Variants in CD109 observed in about 807,000 individuals in gnomAD.
CD109 encodes CD109 antigen.
Under a neutral mutation model 165.8 loss-of-function variants are expected in CD109, and 149 were observed. The ratio of observed to expected loss-of-function variants is 0.90; its 90% confidence interval spans 0.79 to 1.03. The LOEUF is 1.03. Among genes scored for constraint, CD109 ranks in the 50% least tolerant of loss-of-function variants. CD109 has a pLI of 0.00. For synonymous variants in CD109, 585 were observed against 592.1 expected (o/e 0.99, Z 0.18); for missense variants, 1,712 against 1,677.8 (o/e 1.02, Z -0.36).
At chr6:73,709,982 A>G (rs1350142899) in intron 2 of CD109, among the ~76,000 whole-genome samples, 1 of 152,234 alleles carries the variant, frequency 6.6e-6, no homozygotes, top group African/African-American at 2.4e-5. Flanking sequence ...CACAGCCAAT[A>G]TCATACTGAA....
intron 5 of CD109, among the ~76,000 whole-genome samples, chr6:73,751,759 T>C (rs1030957001): frequency 6.6e-5 from 10 of 152,332 alleles, no homozygotes; most frequent in African/African-American, 2.4e-4. Flanking sequence ...GCCAAGCAAC[T>C]CTACCTGATG....
chr6:73,755,051 G>A (rs944134803), intron 5 of CD109, among the ~76,000 whole-genome samples: 2 of 152,192 alleles, frequency 1.3e-5, no homozygotes, highest in African/African-American at 2.4e-5. Context: ...AGTCTTGTCT[G>A]TGCTGGCCTC....
chr6:73,764,816 CAA>C (rs1363569119), intron 10 of CD109, among the ~76,000 whole-genome samples: 9 of 61,110 alleles, frequency 1.5e-4, no homozygotes, highest in Admixed American at 3.6e-4. Context: ...AACTCCATTT[CAA>C]AAAAAAAAAA....
intron 5 of CD109, among the ~76,000 whole-genome samples, chr6:73,745,516 T>C (rs1024918469): frequency 6.6e-6 from 1 of 152,198 alleles, no homozygotes; most frequent in African/African-American, 2.4e-5. Flanking sequence ...GACTTGTGGA[T>C]GCCACGGGAT....
intron 15 of CD109, 76 bp from the exon 16 acceptor site, chr6:73,780,348 T>C: frequency 1.1e-6 from 1 of 874,994 alleles, no homozygotes; most frequent in East Asian, 2.4e-5. Flanking sequence ...AGGCTAAGTC[T>C]TATCTAAGTT....
chr6:73,724,459 T>C (rs1396006236), intron 3 of CD109, among the ~76,000 whole-genome samples: 1 of 152,198 alleles, frequency 6.6e-6, no homozygotes, highest in African/African-American at 2.4e-5. Flanking sequence ...ACATGCTTAA[T>C]GTACAGTATA....
At chr6:73,742,412 T>A (rs1475798273) in intron 5 of CD109, among the ~76,000 whole-genome samples, 1 of 152,276 alleles carries the variant, frequency 6.6e-6, no homozygotes, top group Non-Finnish European at 1.5e-5. Context: ...TGTTTTTGCA[T>A]CTATGATTTA....
intron 2 of CD109, among the ~76,000 whole-genome samples, chr6:73,704,818 G>A (rs1771204523): frequency 6.6e-6 from 1 of 152,134 alleles, no homozygotes; most frequent in Admixed American, 6.5e-5. Flanking sequence ...GGTCCCAGAA[G>A]GATAATATAA....
At chr6:73,802,965 G>A (rs534930378) in intron 23 of CD109, among the ~76,000 whole-genome samples, 121 of 152,036 alleles carry the variant, frequency 8.0e-4, no homozygotes, top group Non-Finnish European at 5.1e-4. Context: ...CTCCCAAAGC[G>A]CTGGGATTAT....
At chr6:73,803,661 G>A (rs1027559977) in intron 24 of CD109, among the ~76,000 whole-genome samples, 1 of 148,192 alleles carries the variant, frequency 6.7e-6, no homozygotes, top group Non-Finnish European at 1.5e-5. Flanking sequence ...TACAAGTGTT[G>A]TGTTACTGCG....
chr6:73,696,330 C>CCTGGGCCGCTCTGCGGCT, intron 1 of CD109, 41 bp downstream of exon 1: 3 of 1,389,000 alleles, frequency 2.2e-6, no homozygotes, highest in East Asian at 3.0e-5. Flanking sequence ...GGCGCGCGGG[C>CCTGGGCCGCTCTGCGGCT]CTGGGCCGCT....
chr6:73,820,030 G>A (rs1582212791), intron 31 of CD109, among the ~76,000 whole-genome samples: 1 of 152,162 alleles, frequency 6.6e-6, no homozygotes, highest in East Asian at 1.9e-4. Flanking sequence ...CCCCATCTCA[G>A]TCATTGGCTG....
In CD109 at chr6:73,749,923, T is replaced by A. The variant is rs571317084; in HGVS notation, c.634-6720T>A. Among the ~76,000 whole-genome samples the A allele has an allele frequency of 3.3e-5, 5 of 152,320 alleles. No individual in the cohort carries two copies. In the East Asian group the frequency reaches 7.7e-4, roughly 24 times the overall value. ...TAGGAAGATCACTTTGGTGGCAGCA[T>A]GTAGGGTGATTAGAGGGAGAGAAAC... On this transcript the variant is annotated intron_variant, in intron 5 of 32. Transcript: ENST00000287097.
intron 23 of CD109, among the ~76,000 whole-genome samples, chr6:73,797,390 T>C (rs1775200450): frequency 6.6e-6 from 1 of 152,196 alleles, no homozygotes; most frequent in Non-Finnish European, 1.5e-5. Flanking sequence ...CCAAGTCTAA[T>C]TGAAAACACT....
chr6:73,794,271 C>T (rs1333598578), intron 23 of CD109, among the ~76,000 whole-genome samples: 1 of 152,174 alleles, frequency 6.6e-6, no homozygotes, highest in Non-Finnish European at 1.5e-5. Context: ...TCTGGTTCCA[C>T]CGTCCACCTT....
intron 30 of CD109, among the ~76,000 whole-genome samples, chr6:73,817,687 CA>C: frequency 6.6e-6 from 1 of 152,152 alleles, no homozygotes; most frequent in Non-Finnish European, 1.5e-5. Context: ...GCCATCAATT[CA>C]TTTTATAAAA....
At chr6:73,810,870 T>A in intron 27 of CD109, 122 bp from the exon 28 acceptor site, 1 of 927,118 alleles carries the variant, frequency 1.1e-6, no homozygotes, top group Middle Eastern at 3.5e-4. Flanking sequence ...CAAATATGAA[T>A]CAGGGAGCAT....
At position 73,791,134 on chromosome 6, in the gene CD109, T is replaced by TACACAC. The variant is rs573195220; in HGVS notation, c.2702-1489_2702-1488insCACACA. On this transcript the variant is annotated intron_variant, in intron 22 of 32. Transcript: ENST00000287097. Reference sequence around the variant, plus strand: ...ATTTGGAGGCATATATATACATACATACATATATATATATATATATATATA... The same window carrying TACACAC: ...ATTTGGAGGCATATATATACATACATACACACACATATATATATATATATATATATA... 1.6e-3 allele frequency among the ~76,000 whole-genome samples: 126 copies of TACACAC among 77,034 alleles called. 4 individuals carry two copies. The highest frequency in any genetic ancestry group is 6.8e-3 in the Middle Eastern group (1 of 146). The allele number at this position is 77,034 out of a possible 152,430, so 50.5% of individuals were successfully genotyped here. A position where few individuals can be genotyped will look rare whatever the true frequency, so the allele number is the denominator to read the frequency against.
intron 5 of CD109, among the ~76,000 whole-genome samples, chr6:73,750,381 G>A (rs1208448328): frequency 2.6e-5 from 4 of 152,190 alleles, no homozygotes; most frequent in African/African-American, 9.7e-5. Context: ...GTTTTGGGAA[G>A]AGAAAAGCAA....
Sources: allele counts gnomAD v4.1 joint callset (sites outside exome capture counted in the v4.1 genomes callset), GRCh38; gene constraint gnomAD v4.1.1; transcripts MANE v1.5; gene names NCBI Gene and HGNC (gene_info 2026-07-23, HGNC 2026-07-21).